Variants in SAMD12 observed in about 807,000 individuals in gnomAD.
SAMD12 encodes the protein sterile alpha motif domain-containing protein 12.
In SAMD12, 9 loss-of-function variants were observed where a neutral mutation model predicts 15.0. The observed-to-expected ratio is 0.60, with a 90% confidence interval of 0.36 to 1.05. The LOEUF (loss-of-function observed/expected upper bound fraction) is 1.05. Among genes scored for constraint, SAMD12 ranks in the 50% least tolerant of loss-of-function variants. SAMD12 has a pLI of 0.01. For synonymous variants in SAMD12, 86 were observed against 90.1 expected, an observed-to-expected ratio of 0.96 and a Z score of 0.25; for missense variants, 230 against 234.2, an observed-to-expected ratio of 0.98 and a Z score of 0.12.
intron 3 of SAMD12, among the ~76,000 whole-genome samples, chr8:118,425,917 G>A (rs1316428564): frequency 6.6e-6 from 1 of 152,146 alleles, no homozygotes; most frequent in Non-Finnish European, 1.5e-5. Flanking sequence ...TGGGTCTCCT[G>A]TTCTCCCACA....
At chr8:118,454,049 A>G (rs1165528569) in intron 2 of SAMD12, among the ~76,000 whole-genome samples, 3 of 152,226 alleles carry the variant, frequency 2.0e-5, no homozygotes, top group Non-Finnish European at 4.4e-5. Flanking sequence ...GGATGGATAA[A>G]CTGTTCCCTG....
intron 2 of SAMD12, among the ~76,000 whole-genome samples, chr8:118,520,784 CT>C (rs1025636593): frequency 6.6e-5 from 10 of 152,164 alleles, no homozygotes; most frequent in African/African-American, 2.2e-4. Flanking sequence ...CCTATACAAA[CT>C]TTTTTTCATT....
chr8:118,620,389 C>T (rs755178485), intron 1 of SAMD12, among the ~76,000 whole-genome samples: 49 of 52,030 alleles, frequency 9.4e-4, no homozygotes, highest in Non-Finnish European at 9.1e-4. Context: ...GACTATCAAG[C>T]ATAACGATGC....
At chr8:118,176,430 T>A in the SAMD12 span, among the ~76,000 whole-genome samples, 1 of 152,076 alleles carries the variant, frequency 6.6e-6, no homozygotes. Context: ...TCATCAATGG[T>A]GGACTGAATA....
chr8:118,606,597 G>GA (rs1203272539), intron 1 of SAMD12, among the ~76,000 whole-genome samples: 153 of 147,744 alleles, frequency 1.0e-3, no homozygotes, highest in African/African-American at 3.4e-3. Context: ...GAAAAGAAAA[G>GA]AAAAAAAAAC....
the SAMD12 span, among the ~76,000 whole-genome samples, chr8:118,163,597 CG>C: frequency 1.3e-5 from 2 of 150,500 alleles, no homozygotes; most frequent in African/African-American, 4.9e-5. Context: ...GAGCTTCAGC[CG>C]GGTGCGGTGG....
intron 4 of SAMD12, among the ~76,000 whole-genome samples, chr8:118,220,558 G>A (rs1812061123): frequency 6.6e-6 from 1 of 152,048 alleles, no homozygotes; most frequent in African/African-American, 2.4e-5. Context: ...TTCCTATCAT[G>A]TTATAAAATC....
At chr8:118,429,383 T>A (rs1159467463) in intron 3 of SAMD12, among the ~76,000 whole-genome samples, 1 of 152,200 alleles carries the variant, frequency 6.6e-6, no homozygotes, top group Admixed American at 6.5e-5. Context: ...TGGTATGTAT[T>A]CTGCAAATAT....
intron 4 of SAMD12, among the ~76,000 whole-genome samples, chr8:118,233,156 T>C (rs1203255355): frequency 6.6e-6 from 1 of 152,180 alleles, no homozygotes; most frequent in East Asian, 1.9e-4. Flanking sequence ...TCTTGTTTCT[T>C]ATTTCAACTT....
At chr8:118,588,328 C>A (rs1248570944) in intron 1 of SAMD12, among the ~76,000 whole-genome samples, 1 of 152,152 alleles carries the variant, frequency 6.6e-6, no homozygotes, top group Non-Finnish European at 1.5e-5. Context: ...TCTCCTTGGG[C>A]AAAGGAAACT....
intron 1 of SAMD12, among the ~76,000 whole-genome samples, chr8:118,607,085 T>A (rs1359692016): frequency 6.6e-6 from 1 of 152,158 alleles, no homozygotes; most frequent in Non-Finnish European, 1.5e-5. Flanking sequence ...CATTTGAGAA[T>A]TAGAAGTCCT....
intron 4 of SAMD12, among the ~76,000 whole-genome samples, chr8:118,215,185 C>T (rs750104023): frequency 8.5e-5 from 13 of 152,140 alleles, no homozygotes; most frequent in Admixed American, 2.6e-4. Flanking sequence ...TAGGACAAAT[C>T]CAGCCCACTC....
At chr8:118,449,242 T>C (rs544171720) in intron 2 of SAMD12, among the ~76,000 whole-genome samples, 1 of 152,082 alleles carries the variant, frequency 6.6e-6, no homozygotes, top group South Asian at 2.1e-4. Flanking sequence ...TATGTATTTT[T>C]AGTAGAGATG....
Position 118,255,975 on chromosome 8 carries a change from T to C in SAMD12, c.434-58243A>G, listed in dbSNP as rs868123395. Among the ~76,000 whole-genome samples, 808 of 152,218 alleles carry C rather than the reference T, an allele frequency of 5.3e-3. 7 individuals are homozygous for C. The highest frequency in any genetic ancestry group is 0.018 in the African/African-American group (765 of 41,560). On this transcript the variant is annotated intron_variant, in intron 4 of 4. Coordinates refer to the SAMD12 transcript ENST00000409003. Reference sequence around the variant, plus strand: ...AACTAGTTTACAGTCCCACCAACAGTGTAAAAGTGTTCCTATTTCTCCACA... The same window carrying C: ...AACTAGTTTACAGTCCCACCAACAGCGTAAAAGTGTTCCTATTTCTCCACA...
chr8:118,420,273 A>C (rs1394799544), intron 3 of SAMD12, among the ~76,000 whole-genome samples: 3 of 152,180 alleles, frequency 2.0e-5, no homozygotes, highest in Non-Finnish European at 2.9e-5. Context: ...TATGTTTTGC[A>C]TGTGCCTCTG....
the SAMD12 span, among the ~76,000 whole-genome samples, chr8:118,158,674 G>C: frequency 9.9e-5 from 15 of 152,220 alleles, no homozygotes; most frequent in African/African-American, 3.6e-4. Context: ...GGACCAGAGT[G>C]AGAACTTATG....
chr8:118,592,182 A>G (rs2514590), intron 1 of SAMD12, among the ~76,000 whole-genome samples: 118,777 of 152,058 alleles, frequency 0.78, 46,475 homozygotes, highest in East Asian at 0.82. Context: ...TTAGCTGGGC[A>G]TGGTGGTGCA....
chr8:118,328,848 A>G (rs1816681584), intron 4 of SAMD12, among the ~76,000 whole-genome samples: 5 of 152,168 alleles, frequency 3.3e-5, no homozygotes, highest in Non-Finnish European at 1.5e-5. Context: ...TATGTGTAAC[A>G]CTAGCCATCT....
intron 2 of SAMD12, among the ~76,000 whole-genome samples, chr8:118,534,871 C>G (rs2131132102): frequency 6.6e-6 from 1 of 152,180 alleles, no homozygotes; most frequent in South Asian, 2.1e-4. Context: ...TTTTTAGCTT[C>G]TTTGTGATGG....
Sources: allele counts gnomAD v4.1 joint callset (sites outside exome capture counted in the v4.1 genomes callset), GRCh38; gene constraint gnomAD v4.1.1; transcripts MANE v1.5; gene names NCBI Gene and HGNC (gene_info 2026-07-23, HGNC 2026-07-21).